Variants in FMO1 observed in about 807,000 individuals in gnomAD.
FMO1 encodes the protein flavin-containing monooxygenase 1.
A neutral mutation model predicts 45.4 loss-of-function variants in FMO1; 36 were observed. The ratio of observed to expected loss-of-function variants is 0.79; its 90% CI spans 0.61 to 1.05. The LOEUF (loss-of-function observed/expected upper bound fraction) is 1.05, where lower values mean the gene tolerates loss of function less well. Ranked by LOEUF, FMO1 falls within the 50% of genes least tolerant of loss-of-function variation. The pLI is 0.00. For missense variants in FMO1, 615 were observed against 640.3 expected (o/e 0.96, Z 0.43); for synonymous variants, 228 against 227.2 (o/e 1.00, Z -0.03).
chr1:171,282,913 G>A, intron 7 of FMO1: 2 of 408,244 alleles, frequency 4.9e-6, no homozygotes, highest in Non-Finnish European at 8.8e-6. Context: ...GTGAGATTCT[G>A]CTATATCAAA....
rs756327742 is a variant in FMO1, at chr1:171,282,205, T to C, written c.1055T>C (p.Leu352Pro). The C allele has an allele frequency of 1.2e-6, 2 of 1,613,936 alleles. No homozygotes were observed. The highest frequency in any genetic ancestry group is 1.7e-5 in the Admixed American group (1 of 59,982). Residue 352 changes from leucine (L) to proline (P), a missense_variant, in exon 7 of 9, where the codon CTG becomes CCG. Leu to Pro is a moderately conservative substitution (Grantham distance 98). Transcript: ENST00000617670. ...AAAGTTGAAGATGGCCAGGCCTCAC[T>C]GTACAAGTATATCTTCCCTGCACAT... Reference protein sequence around the residue: ...VVKVEDGQASLYKYIFPAHLQ... With the variant: ...VVKVEDGQASPYKYIFPAHLQ...
chr1:171,263,668 A>G (rs2101808706), intron 2 of FMO1, among the ~76,000 whole-genome samples: 1 of 152,194 alleles, frequency 6.6e-6, no homozygotes, highest in East Asian at 1.9e-4. Flanking sequence ...TTTTCTCTTC[A>G]TGAAAACAAA....
chr1:171,267,584 G>T lies in FMO1; in HGVS notation c.174G>T (p.Val58=). 1 of 1,613,506 alleles carries T rather than the reference G, an allele frequency of 6.2e-7. No individual in the cohort carries two copies. Among genetic ancestry groups the T allele is most frequent in the Non-Finnish European group, 8.5e-7 (1 of 1,179,662 alleles). The change falls in exon 3 of 9, where the codon GTG becomes GTT. Residue 58 remains valine (V), a synonymous_variant. Coordinates refer to ENST00000617670, the MANE Select transcript of FMO1 (RefSeq NM_001282693.2). ...GCAGAGCCAGTCTCTACAAGTCTGT[G>T]GTTTCCAACAGCTGCAAGGAGATGT... ...EEGRASLYKS[V]VSNSCKEMSC...
At chr1:171,259,119 C>G (rs1454154476) in intron 2 of FMO1, among the ~76,000 whole-genome samples, 1 of 152,212 alleles carries the variant, frequency 6.6e-6, no homozygotes, top group Non-Finnish European at 1.5e-5. Context: ...AGCAAGGTAT[C>G]AGATAGCCCC....
intron 7 of FMO1, 195 bp from the exon 8 acceptor site, chr1:171,282,949 A>G (rs1292219207): frequency 2.2e-6 from 1 of 458,356 alleles, no homozygotes; most frequent in African/African-American, 2.1e-5. Flanking sequence ...CCAGATGCTT[A>G]TCTTTTCAGC....
intron 3 of FMO1, among the ~76,000 whole-genome samples, chr1:171,268,976 G>A (rs962360584): frequency 7.2e-5 from 11 of 152,142 alleles, no homozygotes; most frequent in Admixed American, 1.3e-4. Flanking sequence ...TTTATAAGGC[G>A]GAGCTTCCCT....
intron 1 of FMO1, among the ~76,000 whole-genome samples, chr1:171,257,042 T>TA (rs1317769828): frequency 6.6e-6 from 1 of 152,234 alleles, no homozygotes; most frequent in Non-Finnish European, 1.5e-5. Context: ...TTCAATAACT[T>TA]ACAGCTACTG....
At chr1:171,277,328 G>A (rs1472774152) in intron 4 of FMO1, among the ~76,000 whole-genome samples, 4 of 152,130 alleles carry the variant, frequency 2.6e-5, no homozygotes, top group Non-Finnish European at 4.4e-5. Flanking sequence ...AAAAGTCGTA[G>A]TAAAAATAAT....
chr1:171,282,184 T>C lies in FMO1; in HGVS notation c.1034T>C (p.Val345Ala), dbSNP rs1371560320. 2 of 1,614,022 alleles carry C rather than the reference T, an allele frequency of 1.2e-6. No homozygotes were observed. Among genetic ancestry groups the C allele is most frequent in the Non-Finnish European group, 1.7e-6 (2 of 1,179,926 alleles). Residue 345 changes from valine (V) to alanine (A), a missense_variant, in exon 7 of 9, where the codon GTT (valine) becomes GCT (alanine). Val to Ala is a moderately conservative substitution (Grantham distance 64). Coordinates refer to ENST00000617670, the MANE Select transcript of FMO1 (RefSeq NM_001282693.2). ...FPFLDESVVK[V>A]EDGQASLYKY... ...TTCCTTGATGAGTCTGTAGTGAAAG[T>C]TGAAGATGGCCAGGCCTCACTGTAC...
intron 5 of FMO1, among the ~76,000 whole-genome samples, chr1:171,279,957 C>T (rs1274436844): frequency 1.3e-5 from 2 of 152,104 alleles, no homozygotes; most frequent in African/African-American, 4.8e-5. Context: ...CTACCTTTAC[C>T]TTCCCAGATA....
Position 171,259,722 on chromosome 1 carries a change from G to C in FMO1, c.132+1503G>C, listed in dbSNP as rs533458655. 2.6e-5 allele frequency among the ~76,000 whole-genome samples: 4 copies of C among 152,302 alleles called. No individual in the cohort carries two copies. The East Asian group carries it at 7.7e-4, about 29-fold the overall frequency. On this transcript the variant is annotated intron_variant, in intron 2 of 8. Coordinates refer to ENST00000617670, the MANE Select transcript of FMO1 (RefSeq NM_001282693.2). ...CCAGACATAAATGCTCCTTGTATAG[G>C]TCACAGGCACCTAATCATCAACACT...
At chr1:171,257,056 A>T (rs1660190700) in intron 1 of FMO1, among the ~76,000 whole-genome samples, 1 of 152,260 alleles carries the variant, frequency 6.6e-6, no homozygotes, top group African/African-American at 2.4e-5. Context: ...GCTACTGAGC[A>T]CTTACTATGT....
At chr1:171,270,830 G>A in intron 3 of FMO1, 1 of 756,900 alleles carries the variant, frequency 1.3e-6, no homozygotes, top group East Asian at 3.1e-5. Flanking sequence ...AAAAGACACT[G>A]TACAGTTTAA....
At chr1:171,269,979 CAT>C (rs756456449) in intron 3 of FMO1, among the ~76,000 whole-genome samples, 3 of 152,232 alleles carry the variant, frequency 2.0e-5, no homozygotes, top group Admixed American at 1.3e-4. Flanking sequence ...CCAGCATTTT[CAT>C]AGTCTTCACT....
intron 1 of FMO1, among the ~76,000 whole-genome samples, chr1:171,249,062 A>G (rs147599636): frequency 1.3e-5 from 2 of 152,052 alleles, no homozygotes; most frequent in East Asian, 2.0e-4. Context: ...CATTTGGCAC[A>G]AGTGGGAAGC....
intron 2 of FMO1, among the ~76,000 whole-genome samples, chr1:171,265,083 T>C (rs984238468): frequency 9.2e-5 from 14 of 152,032 alleles, no homozygotes; most frequent in African/African-American, 3.1e-4. Context: ...TTGTAGACTG[T>C]TGTCAAATAT....
At chr1:171,258,970 C>T (rs1356794079) in intron 2 of FMO1, among the ~76,000 whole-genome samples, 2 of 152,142 alleles carry the variant, frequency 1.3e-5, no homozygotes, top group Non-Finnish European at 2.9e-5. Context: ...GGAAAATGTT[C>T]CCTGAACTCC....
chr1:171,256,335 G>T (rs965074072), intron 1 of FMO1, among the ~76,000 whole-genome samples: 1 of 150,774 alleles, frequency 6.6e-6, no homozygotes, highest in Non-Finnish European at 1.5e-5. Context: ...GTAAACTGAG[G>T]CTCAAAAGGG....
intron 5 of FMO1, among the ~76,000 whole-genome samples, chr1:171,279,119 C>G (rs1002701823): frequency 6.7e-6 from 1 of 148,474 alleles, no homozygotes; most frequent in Non-Finnish European, 1.5e-5. Context: ...ATTTTCCCAG[C>G]CATCCAACAA....
Sources: allele counts gnomAD v4.1 joint callset (sites outside exome capture counted in the v4.1 genomes callset), GRCh38; gene constraint gnomAD v4.1.1; transcripts MANE v1.5; gene names NCBI Gene and HGNC (gene_info 2026-07-23, HGNC 2026-07-21).